Variants in UBXN7 observed in about 807,000 individuals in gnomAD.
UBXN7 encodes UBX domain-containing protein 7.
A neutral mutation model predicts 58.0 loss-of-function variants in UBXN7; 9 were observed. The observed-to-expected ratio is 0.16, with a 90% CI of 0.09 to 0.27. UBXN7 has a LOEUF of 0.27. Ranked by LOEUF, UBXN7 falls within the 10% of genes least tolerant of loss-of-function variation. The pLI, the probability that UBXN7 is intolerant of heterozygous loss-of-function variation, is 1.00. For missense variants in UBXN7, 328 were observed against 599.6 expected (o/e 0.55, Z 4.73); for synonymous variants, 208 against 205.0 (o/e 1.01, Z -0.12).
chr3:196,427,387 G>A (rs1181614785), intron 1 of UBXN7, among the ~76,000 whole-genome samples: 2 of 152,080 alleles, frequency 1.3e-5, no homozygotes, highest in Non-Finnish European at 2.9e-5. Context: ...GCTGGATCTC[G>A]GCTCACTGCA....
chr3:196,402,850 CACTTCTA>C, intron 3 of UBXN7, 95 bp downstream of exon 3: 1 of 1,285,224 alleles, frequency 7.8e-7, no homozygotes, highest in Non-Finnish European at 1.1e-6. Flanking sequence ...AATGACACCA[CACTTCTA>C]ACAGTCTCCT....
intron 4 of UBXN7, 100 bp downstream of exon 4, chr3:196,393,454 A>G: frequency 8.9e-7 from 1 of 1,118,854 alleles, no homozygotes; most frequent in Non-Finnish European, 1.3e-6. Flanking sequence ...CTTTTTAAAG[A>G]AGGTGAAAAC....
At chr3:196,392,397 C>T (rs7623478) in intron 4 of UBXN7, among the ~76,000 whole-genome samples, 2 of 151,338 alleles carry the variant, frequency 1.3e-5, no homozygotes, top group Admixed American at 6.6e-5. Flanking sequence ...CCCAGCTACT[C>T]GGGAGGCTGA....
At position 196,351,964 on chromosome 3, in the gene UBXN7, C is replaced by T. The variant is rs1258694104; in HGVS notation, c.*4721G>A. The T allele has an allele frequency of 6.6e-6, 1 of 152,126 alleles. No individual in the cohort carries two copies. The highest frequency in any genetic ancestry group is 2.4e-5 in the African/African-American group (1 of 41,400). The allele number at this position is 152,126 out of a possible 1,614,324, so 9.4% of individuals were successfully genotyped here. A position where few individuals can be genotyped will look rare whatever the true frequency, so the allele number is the denominator to read the frequency against. ...CCCCGCAAGCTAGGAATCTTTACTC[C>T]AGGGATCAATAATCCTTTCCTACTT... On this transcript the variant is annotated 3_prime_UTR_variant, in exon 11 of 11. Transcript: ENST00000296328.
chr3:196,380,470 TC>T (rs777628534), intron 5 of UBXN7, among the ~76,000 whole-genome samples: 27 of 152,194 alleles, frequency 1.8e-4, no homozygotes, highest in Non-Finnish European at 4.0e-4. Flanking sequence ...AGCCTGGACT[TC>T]CATCTTGCTT....
chr3:196,350,418 T>C lies in UBXN7; in HGVS notation c.*6267A>G, dbSNP rs1213606073. 1 of 152,176 alleles carries C rather than the reference T, an allele frequency of 6.6e-6. No individual in the cohort carries two copies. The highest frequency in any genetic ancestry group is 1.9e-4 in the East Asian group (1 of 5,200). 9.4% of individuals were successfully genotyped at this position (152,176 alleles called of 1,614,324 possible). ...TATAAAAGTAAGTTTGCCTCAAAAA[T>C]GTCCTTCAATTTTATAAAAAATGAA... On this transcript the variant is annotated 3_prime_UTR_variant, in exon 11 of 11. Coordinates refer to ENST00000296328, the MANE Select transcript of UBXN7 (RefSeq NM_015562.2).
chr3:196,407,881 C>T (rs755760997), intron 1 of UBXN7, among the ~76,000 whole-genome samples: 16 of 151,918 alleles, frequency 1.1e-4, no homozygotes, highest in Non-Finnish European at 2.1e-4. Context: ...GGGCAGATCA[C>T]GAGGTCAGGA....
intron 5 of UBXN7, among the ~76,000 whole-genome samples, chr3:196,390,092 G>A (rs1729530347): frequency 6.6e-6 from 1 of 151,980 alleles, no homozygotes; most frequent in Non-Finnish European, 1.5e-5. Context: ...GGTAGTGGGT[G>A]TCTGTAGCCC....
At chr3:196,421,267 G>A (rs911284505) in intron 1 of UBXN7, among the ~76,000 whole-genome samples, 3 of 152,168 alleles carry the variant, frequency 2.0e-5, no homozygotes, top group Non-Finnish European at 4.4e-5. Context: ...CATGCGCCCA[G>A]GAGCCAAGAT....
intron 5 of UBXN7, among the ~76,000 whole-genome samples, chr3:196,385,899 C>T (rs941428256): frequency 1.3e-5 from 2 of 152,096 alleles, no homozygotes; most frequent in African/African-American, 4.8e-5. Context: ...TCATTGAGAA[C>T]GGGCCATGAT....
chr3:196,396,439 A>T (rs1729775135), intron 3 of UBXN7, among the ~76,000 whole-genome samples: 1 of 151,962 alleles, frequency 6.6e-6, no homozygotes, highest in African/African-American at 2.4e-5. Context: ...ATAACTAGAT[A>T]TCTGAAACTT....
In UBXN7 at chr3:196,348,222, G is replaced by A. The variant is rs1306682446; in HGVS notation, c.*8463C>T. 6.6e-6 allele frequency: 1 copy of A among 151,796 alleles called. No individual in the cohort carries two copies. The highest frequency in any genetic ancestry group is 1.9e-4 in the East Asian group (1 of 5,198). The allele number at this position is 151,796 out of a possible 1,614,324, so 9.4% of individuals were successfully genotyped here. On this transcript the variant is annotated 3_prime_UTR_variant, in exon 11 of 11. Coordinates refer to ENST00000296328, the MANE Select transcript of UBXN7 (RefSeq NM_015562.2). ...TATGACTTACTAGATATACAGGAGG[G>A]TCTCTAATGTGTCTTGAACAAAAAA...
chr3:196,370,127 CAAAAAAAAAAA>C (rs368855542), intron 6 of UBXN7, among the ~76,000 whole-genome samples: 1 of 73,428 alleles, frequency 1.4e-5, no homozygotes, highest in African/African-American at 5.9e-5. Context: ...AGACTTGTCT[CAAAAAAAAAAA>C]AAAAAAAAAA....
At chr3:196,394,110 G>A (rs1729668950) in intron 3 of UBXN7, among the ~76,000 whole-genome samples, 1 of 151,800 alleles carries the variant, frequency 6.6e-6, no homozygotes. Context: ...CCAACATGGT[G>A]AGCCCCTGTC....
intron 3 of UBXN7, among the ~76,000 whole-genome samples, chr3:196,398,952 CTCT>C (rs1366969246): frequency 6.6e-6 from 1 of 151,902 alleles, no homozygotes. Context: ...CCGGCCAAAC[CTCT>C]TTTTTAAAAT....
intron 6 of UBXN7, among the ~76,000 whole-genome samples, chr3:196,370,410 A>C (rs1728790935): frequency 6.6e-6 from 1 of 151,494 alleles, no homozygotes. Flanking sequence ...CTATGACTGC[A>C]CCACTGTGTT....
chr3:196,401,274 A>AAAAAAATAAAT, intron 3 of UBXN7, among the ~76,000 whole-genome samples: 1 of 36,882 alleles, frequency 2.7e-5, no homozygotes, highest in East Asian at 1.7e-3. Flanking sequence ...AAAAAAAAAA[A>AAAAAAATAAAT]ATATATATAT....
intron 3 of UBXN7, among the ~76,000 whole-genome samples, chr3:196,401,298 T>TATATACACACAC (rs1269101481): frequency 1.6e-5 from 1 of 61,694 alleles, no homozygotes; most frequent in Non-Finnish European, 2.7e-5. Flanking sequence ...TATATATATA[T>TATATACACACAC]ACACACACAC....
chr3:196,393,643 G>C, intron 3 of UBXN7, 24 bp from the exon 4 acceptor site: 1 of 1,588,234 alleles, frequency 6.3e-7, no homozygotes, highest in Non-Finnish European at 8.5e-7. Context: ...AAATAGAATT[G>C]AAAATTTTTT....
Sources: allele counts gnomAD v4.1 joint callset (sites outside exome capture counted in the v4.1 genomes callset), GRCh38; gene constraint gnomAD v4.1.1; transcripts MANE v1.5; gene names NCBI Gene and HGNC (gene_info 2026-07-23, HGNC 2026-07-21).